The following PCDHA2 variants were observed in gnomAD, a reference collection of about 807,000 sequenced individuals.
PCDHA2 encodes protocadherin alpha-2.
In PCDHA2, 58 loss-of-function variants were observed where a neutral mutation model predicts 66.0. The ratio of observed to expected loss-of-function variants is 0.88; its 90% CI spans 0.71 to 1.09. The LOEUF is 1.09. Ranked by LOEUF, PCDHA2 falls within the 50% of genes least tolerant of loss-of-function variation. The pLI is 0.00. For missense variants in PCDHA2, 1,267 were observed against 1,242.3 expected (o/e 1.02, Z -0.30); for synonymous variants, 634 against 554.0 (o/e 1.14, Z -2.03).
Position 140,812,492 on chromosome 5 carries a change from T to C in PCDHA2, c.2388+15140T>C, listed in dbSNP as rs2126639382. 41 of 152,288 alleles carry C rather than the reference T, an allele frequency of 2.7e-4. No homozygotes were observed. In the East Asian group the frequency reaches 6.7e-3, roughly 25 times the overall value. The allele number at this position is 152,288 out of a possible 1,614,324, so 9.4% of individuals were successfully genotyped here. A position where few individuals can be genotyped will look rare whatever the true frequency, so the allele number is the denominator to read the frequency against. On this transcript the variant is annotated intron_variant, in intron 1 of 3. Coordinates refer to ENST00000526136, the MANE Select transcript of PCDHA2 (RefSeq NM_018905.3). ...TTTATTTTTGCTCTAATCTTTATTA[T>C]AGTATTTCCTCCCTTTGCTTTGGGC...
At chr5:140,807,369 C>T (rs782357546) in intron 1 of PCDHA2, 4 of 1,608,330 alleles carry the variant, frequency 2.5e-6, no homozygotes, top group South Asian at 2.2e-5. Flanking sequence ...GAGCTGGTGC[C>T]GCGCCTGTTC....
chr5:140,907,733 A>C (rs2073566986), intron 1 of PCDHA2, among the ~76,000 whole-genome samples: 1 of 152,162 alleles, frequency 6.6e-6, no homozygotes, highest in Non-Finnish European at 1.5e-5. Context: ...CATCCCTGCC[A>C]CCATGGCCAC....
chr5:140,973,582 T>C lies in PCDHA2; in HGVS notation c.2389-5367T>C, dbSNP rs76146918. Among the ~76,000 whole-genome samples the C allele has an allele frequency of 4.6e-3, 708 of 152,364 alleles. 4 individuals are homozygous for C. The highest frequency in any genetic ancestry group is 0.016 in the African/African-American group (685 of 41,596). On this transcript the variant is annotated intron_variant, in intron 1 of 3. Coordinates refer to ENST00000526136, the MANE Select transcript of PCDHA2 (RefSeq NM_018905.3). ...TTTCCTCAATTTTTCTACAGACTGC[T>C]GAGCCAGATGGAATTATGGCTGAGC...
intron 1 of PCDHA2, among the ~76,000 whole-genome samples, chr5:140,945,295 T>G (rs2093770302): frequency 6.6e-6 from 1 of 152,084 alleles, no homozygotes; most frequent in Non-Finnish European, 1.5e-5. Flanking sequence ...TGAAAGAAAT[T>G]GAAGAAGACA....
At chr5:140,850,305 A>T in intron 1 of PCDHA2, 1 of 1,596,974 alleles carries the variant, frequency 6.3e-7, no homozygotes, top group African/African-American at 1.3e-5. Flanking sequence ...CTCGGGCTAC[A>T]ACGCGTGGCT....
rs574825520 is a variant in PCDHA2, at chr5:140,801,343, C to T, written c.2388+3991C>T. 300 of 1,613,294 alleles carry T rather than the reference C, an allele frequency of 1.9e-4. 1 individual carries two copies. In the South Asian group the frequency reaches 3.0e-3, roughly 16 times the overall value. ...CATGGCACCTTCGTGGGCCGCATCG[C>T]GCAGGACCTGGGGCTGGAGCTGGCG... On this transcript the variant is annotated intron_variant, in intron 1 of 3. Coordinates refer to ENST00000526136, the MANE Select transcript of PCDHA2 (RefSeq NM_018905.3).
intron 1 of PCDHA2, chr5:140,821,955 G>A (rs1562261754): frequency 1.2e-6 from 2 of 1,614,196 alleles, no homozygotes; most frequent in East Asian, 2.2e-5. Context: ...AGCTGGTGCC[G>A]CGCCTGTTCC....
chr5:140,952,798 G>A (rs1554220633), intron 1 of PCDHA2, among the ~76,000 whole-genome samples: 1 of 152,138 alleles, frequency 6.6e-6, no homozygotes, highest in Non-Finnish European at 1.5e-5. Flanking sequence ...TAACTGGCTC[G>A]CAGTTCTGCA....
At chr5:140,873,770 C>T (rs1316613523) in intron 1 of PCDHA2, among the ~76,000 whole-genome samples, 1 of 151,400 alleles carries the variant, frequency 6.6e-6, no homozygotes, top group Non-Finnish European at 1.5e-5. Context: ...AAGCAATTCT[C>T]CTGCCTCAGC....
In PCDHA2 at chr5:140,828,948, C is replaced by A. The variant is rs2150161275; in HGVS notation, c.2388+31596C>A. 4.6e-5 allele frequency: 74 copies of A among 1,614,030 alleles called. No individual in the cohort carries two copies. The highest frequency in any genetic ancestry group is 1.5e-4 in the Admixed American group (9 of 59,998). On this transcript the variant is annotated intron_variant, in intron 1 of 3. Coordinates refer to ENST00000526136, the MANE Select transcript of PCDHA2 (RefSeq NM_018905.3). ...TCATATTCTTTTAATAGCCTTGTTG[C>A]AGCCATGGTTATTGACCACTTTAGC...
At chr5:140,842,221 A>G (rs1420540390) in intron 1 of PCDHA2, 1 of 1,613,116 alleles carries the variant, frequency 6.2e-7, no homozygotes, top group Non-Finnish European at 8.5e-7. Context: ...GAAATACGGG[A>G]GAAATAGTGA....
In PCDHA2 at chr5:140,795,456, A is replaced by G. The variant is rs1234893316; in HGVS notation, c.492A>G (p.Val164=). 6.2e-7 allele frequency: 1 copy of G among 1,614,166 alleles called. No individual in the cohort carries two copies. Among genetic ancestry groups the G allele is most frequent in the East Asian group, 2.2e-5 (1 of 44,878 alleles). ...GAGCATCTGATGCAGATATAGGAGTAAATGCTCTTCTCTCCTACAAGCTCA... is the reference window on the plus strand; with the variant it reads ...GAGCATCTGATGCAGATATAGGAGTGAATGCTCTTCTCTCCTACAAGCTCA... ...LEGASDADIG[V]NALLSYKLSS... The change falls in exon 1 of 4, where the codon GTA becomes GTG. Residue 164 remains valine, a synonymous_variant. Coordinates refer to ENST00000526136, the MANE Select transcript of PCDHA2 (RefSeq NM_018905.3).
At chr5:140,890,507 C>G (rs2153430728) in intron 1 of PCDHA2, among the ~76,000 whole-genome samples, 1 of 152,146 alleles carries the variant, frequency 6.6e-6, no homozygotes, top group African/African-American at 2.4e-5. Context: ...TTTTATGTCT[C>G]TATTTCCTTC....
intron 1 of PCDHA2, chr5:140,857,619 A>C (rs1554150364): frequency 6.3e-7 from 1 of 1,596,352 alleles, no homozygotes; most frequent in South Asian, 1.1e-5. Flanking sequence ...CCGCTGGACC[A>C]CGAGGAGCTG....
At chr5:140,849,831 GC>G in intron 1 of PCDHA2, 1 of 1,598,564 alleles carries the variant, frequency 6.3e-7, no homozygotes, top group Non-Finnish European at 8.6e-7. Context: ...TGTGGAGGTG[GC>G]CGACGTGAAC....
rs1437399739 is a variant in PCDHA2, at chr5:140,853,000, TC to T, written c.2388+55651del. 9.7e-6 allele frequency: 3 copies of T among 308,008 alleles called. No homozygotes were observed. The East Asian group carries it at 5.1e-4, about 53-fold the overall frequency. 19.1% of individuals were successfully genotyped at this position (308,008 alleles called of 1,614,324 possible). ...TTCACGCCATTCTCCTGCCTCAGCC[TC>T]CCGAGTAGCTGGGACTACAGGCGCC... On this transcript the variant is annotated intron_variant, in intron 1 of 3. Transcript: ENST00000526136.
intron 1 of PCDHA2, chr5:140,966,633 C>G (rs2096029445): frequency 8.9e-6 from 9 of 1,005,802 alleles, no homozygotes; most frequent in Non-Finnish European, 5.4e-6. Flanking sequence ...CGGCCCCAGG[C>G]GCTTTCTAGA....
At chr5:140,932,028 G>T (rs1299372751) in intron 1 of PCDHA2, among the ~76,000 whole-genome samples, 1 of 151,864 alleles carries the variant, frequency 6.6e-6, no homozygotes, top group African/African-American at 2.4e-5. Context: ...TAAGTTTACA[G>T]TATATATTAA....
chr5:140,869,469 G>A lies in PCDHA2; in HGVS notation c.2388+72117G>A, dbSNP rs781981842. The A allele has an allele frequency of 2.0e-5, 32 of 1,614,092 alleles. No individual in the cohort carries two copies. In the East Asian group the frequency reaches 5.1e-4, roughly 26 times the overall value. On this transcript the variant is annotated intron_variant, in intron 1 of 3. Coordinates refer to ENST00000526136, the MANE Select transcript of PCDHA2 (RefSeq NM_018905.3). Reference sequence around the variant, plus strand: ...TGCAGGTTTTCCATGTGAACGTGGAGGTGAAGGACATTAACGACAACCCGC... The same window carrying A: ...TGCAGGTTTTCCATGTGAACGTGGAAGTGAAGGACATTAACGACAACCCGC...
Sources: gnomAD v4.1 joint callset for allele counts (sites outside exome capture counted in the v4.1 genomes callset) on GRCh38, gnomAD v4.1.1 for gene constraint, MANE v1.5 for transcripts, NCBI Gene and HGNC (gene_info 2026-07-23, HGNC 2026-07-21) for gene names.